ST3GAL5: variants seen among roughly 807,000 people sequenced by gnomAD.
ST3GAL5 encodes the protein lactosylceramide alpha-2,3-sialyltransferase.
A neutral mutation model predicts 46.1 loss-of-function variants in ST3GAL5; 25 were observed. The observed-to-expected ratio is 0.54, with a 90% CI of 0.40 to 0.76. ST3GAL5 has a LOEUF of 0.76. ST3GAL5 is among the 30% of genes least tolerant of loss of function. The pLI, the probability that ST3GAL5 is intolerant of heterozygous loss-of-function variation, is 0.00. For synonymous variants in ST3GAL5, 182 were observed against 192.7 expected (o/e 0.94, Z 0.46); for missense variants, 431 against 521.2 (o/e 0.83, Z 1.69).
intron 2 of ST3GAL5, among the ~76,000 whole-genome samples, chr2:85,862,500 A>T (rs567975557): frequency 6.8e-4 from 52 of 76,462 alleles, no homozygotes; most frequent in Admixed American, 1.4e-3. Flanking sequence ...ATTTTGATTT[A>T]AAAAAAAAAT....
chr2:85,869,910 GCTCCCCA>G (rs2104137469), intron 1 of ST3GAL5, among the ~76,000 whole-genome samples: 1 of 152,220 alleles, frequency 6.6e-6, no homozygotes, highest in Admixed American at 6.5e-5. Flanking sequence ...GTCACAAATA[GCTCCCCA>G]CACTGAAGCC....
intron 1 of ST3GAL5, chr2:85,868,029 G>A (rs1051156578): frequency 7.9e-5 from 19 of 240,036 alleles, no homozygotes; most frequent in East Asian, 7.3e-4. Context: ...TGGATTCCAC[G>A]TCCCTCAACA....
At chr2:85,856,370 A>G (rs1684107486) in intron 3 of ST3GAL5, 1 of 152,198 alleles carries the variant, frequency 6.6e-6, no homozygotes, top group South Asian at 2.1e-4. Flanking sequence ...AATGTCCATA[A>G]TAGGCAAATC....
chr2:85,880,828 G>GAAAA, intron 1 of ST3GAL5: 1 of 457,164 alleles, frequency 2.2e-6, no homozygotes, highest in South Asian at 1.7e-5. Flanking sequence ...TGTCTAAAAA[G>GAAAA]AAAAAAAAAA....
intron 1 of ST3GAL5, among the ~76,000 whole-genome samples, chr2:85,872,366 T>C (rs1483896277): frequency 1.3e-5 from 2 of 152,110 alleles, no homozygotes; most frequent in Admixed American, 1.3e-4. Flanking sequence ...GCGGATCACC[T>C]GAGGTCAGGA....
intron 1 of ST3GAL5, chr2:85,870,344 GGT>G: frequency 2.3e-6 from 1 of 441,730 alleles, no homozygotes; most frequent in Non-Finnish European, 4.9e-6. Flanking sequence ...CGGAGGCGAT[GGT>G]GGTTATAGGC....
chr2:85,861,898 A>T (rs993241909), intron 2 of ST3GAL5, among the ~76,000 whole-genome samples: 1 of 152,060 alleles, frequency 6.6e-6, no homozygotes, highest in Non-Finnish European at 1.5e-5. Flanking sequence ...ATTTTTACTA[A>T]GTTCTCCAGT....
chr2:85,846,360 G>A lies in ST3GAL5; in HGVS notation c.849+17C>T. 1 of 1,611,570 alleles carries A rather than the reference G, an allele frequency of 6.2e-7. No individual in the cohort carries two copies. On this transcript the variant is annotated intron_variant, in intron 5 of 6. Transcript: ENST00000638572. ...ACTTTTTACTAAGGCAGATTTAATAGAAGTATTAGTGCTTACCAGGGTTTC... is the reference window on the plus strand; with the variant it reads ...ACTTTTTACTAAGGCAGATTTAATAAAAGTATTAGTGCTTACCAGGGTTTC...
At chr2:85,861,645 T>TAAAAA (rs3046643) in intron 2 of ST3GAL5, among the ~76,000 whole-genome samples, 31 of 123,738 alleles carry the variant, frequency 2.5e-4, no homozygotes, top group Non-Finnish European at 3.5e-4. Flanking sequence ...TGTCAGTCCT[T>TAAAAA]AAAAAAAAAA....
At chr2:85,865,199 T>A (rs1317734735) in intron 1 of ST3GAL5, among the ~76,000 whole-genome samples, 1 of 152,250 alleles carries the variant, frequency 6.6e-6, no homozygotes, top group Non-Finnish European at 1.5e-5. Flanking sequence ...GTTACTATTA[T>A]AATAAATGCA....
intron 1 of ST3GAL5, among the ~76,000 whole-genome samples, chr2:85,886,154 C>T (rs190425399): frequency 1.3e-3 from 196 of 152,316 alleles, no homozygotes; most frequent in Non-Finnish European, 2.5e-3. Context: ...GCCAGCCAGG[C>T]GCAATTGCTC....
intron 1 of ST3GAL5, 87 bp downstream of exon 1, chr2:85,888,737 C>T (rs1027969725): frequency 6.6e-6 from 7 of 1,054,528 alleles, no homozygotes; most frequent in Admixed American, 4.7e-5. Context: ...AACGCCGCGC[C>T]CAGCCGGCCC....
At chr2:85,846,880 C>T in intron 4 of ST3GAL5, 1 of 290,858 alleles carries the variant, frequency 3.4e-6, no homozygotes, top group Admixed American at 4.8e-5. Context: ...AGAAATTTTC[C>T]ATTGTGCTCA....
chr2:85,850,024 ATTT>A (rs1683301726), intron 3 of ST3GAL5: 1 of 152,028 alleles, frequency 6.6e-6, no homozygotes, highest in Non-Finnish European at 1.5e-5. Context: ...AGGCCTTGTT[ATTT>A]TTATTTTCAT....
chr2:85,839,994 A>G lies in ST3GAL5; in HGVS notation c.*150T>C. 1.7e-6 allele frequency: 2 copies of G among 1,172,758 alleles called. No homozygotes were observed. Among genetic ancestry groups the G allele is most frequent in the South Asian group, 1.4e-5 (1 of 69,250 alleles). The allele number at this position is 1,172,758 out of a possible 1,614,324, so 72.6% of individuals were successfully genotyped here. A position where few individuals can be genotyped will look rare whatever the true frequency, so the allele number is the denominator to read the frequency against. ...AATAAATAGGAAAAAAAAAGTGGGAAGAGCTAAAATTTTTTTTGTGTTTTT... is the reference window on the plus strand; with the variant it reads ...AATAAATAGGAAAAAAAAAGTGGGAGGAGCTAAAATTTTTTTTGTGTTTTT... On this transcript the variant is annotated 3_prime_UTR_variant, in exon 7 of 7. Transcript: ENST00000638572.
chr2:85,882,117 G>A (rs1356731807), intron 1 of ST3GAL5, among the ~76,000 whole-genome samples: 4 of 152,212 alleles, frequency 2.6e-5, no homozygotes, highest in Non-Finnish European at 4.4e-5. Flanking sequence ...TGGCAGCCTA[G>A]TCAAGAACTG....
Position 85,847,866 on chromosome 2 carries a change from C to G in ST3GAL5, c.657G>C (p.Val219=). The change falls in exon 4 of 7, where the codon GTG becomes GTC. Residue 219 remains valine (V), a synonymous_variant. Transcript: ENST00000638572. ...LGHTLNQFDV[V]IRLNSAPVEG... ...AACAAAAAAAACCAATGTACCTTATCACAACATCGAACTGGTTCAGGGTGT... is the reference window on the plus strand; with the variant it reads ...AACAAAAAAAACCAATGTACCTTATGACAACATCGAACTGGTTCAGGGTGT... 6.2e-7 allele frequency: 1 copy of G among 1,613,808 alleles called. No individual in the cohort carries two copies. Among genetic ancestry groups the G allele is most frequent in the Non-Finnish European group, 8.5e-7 (1 of 1,179,992 alleles).
Position 85,863,249 on chromosome 2 carries a change from CA to C in ST3GAL5, c.206+112del, listed in dbSNP as rs1684915744. The C allele has an allele frequency of 1.9e-6, 3 of 1,580,316 alleles. No individual in the cohort carries two copies. The South Asian group carries it at 3.4e-5, about 18-fold the overall frequency. On this transcript the variant is annotated intron_variant, in intron 2 of 6. Transcript: ENST00000638572. The stretch of plus-strand genomic sequence containing the variant: ...TTGAATGTCTGAGGCATCCTTTGAC[CA>C]AGCATGCCTCTCCAACATTAGCCAT...
intron 6 of ST3GAL5, 72 bp downstream of exon 6, chr2:85,844,324 G>T: frequency 6.2e-7 from 1 of 1,603,700 alleles, no homozygotes; most frequent in South Asian, 1.1e-5. Context: ...GTATACAGTT[G>T]AGCCAAAGTG....
Sources: gnomAD v4.1 joint callset for allele counts (sites outside exome capture counted in the v4.1 genomes callset) on GRCh38, gnomAD v4.1.1 for gene constraint, MANE v1.5 for transcripts, NCBI Gene and HGNC (gene_info 2026-07-23, HGNC 2026-07-21) for gene names.